The following GTF2A1L variants were observed in gnomAD, a reference collection of about 807,000 sequenced individuals.
GTF2A1L encodes general transcription factor IIA subunit 1 like, also known as TFIIA-alpha and beta-like factor.
A neutral mutation model predicts 49.7 loss-of-function variants in GTF2A1L; 48 were observed. The observed-to-expected ratio is 0.97, with a 90% CI of 0.77 to 1.23. GTF2A1L has a LOEUF of 1.23. Ranked by LOEUF, GTF2A1L falls within the 50% of genes most tolerant of loss-of-function variation. The probability of loss-of-function intolerance (pLI) is 0.00; values close to 1 mark genes in which losing one functional copy is unlikely to be tolerated. For missense variants in GTF2A1L, 736 were observed against 564.8 expected (o/e 1.30, Z -3.07); for synonymous variants, 246 against 193.5 (o/e 1.27, Z -2.25).
intron 6 of GTF2A1L, among the ~76,000 whole-genome samples, chr2:48,657,378 A>G (rs1678240848): frequency 6.6e-6 from 1 of 152,154 alleles, no homozygotes; most frequent in South Asian, 2.1e-4. Flanking sequence ...TTCCTGTGTT[A>G]ATTCACTTAG....
chr2:48,662,460 T>G (rs1046718988), intron 6 of GTF2A1L, among the ~76,000 whole-genome samples: 3 of 152,152 alleles, frequency 2.0e-5, no homozygotes, highest in Admixed American at 2.0e-4. Flanking sequence ...ATGAATTCCC[T>G]TGGTTTTTAT....
At chr2:48,633,953 C>G (rs1388744324) in intron 3 of GTF2A1L, among the ~76,000 whole-genome samples, 1 of 152,030 alleles carries the variant, frequency 6.6e-6, no homozygotes, top group East Asian at 1.9e-4. Flanking sequence ...GTGACCTCTG[C>G]TCTTTTTTTG....
chr2:48,652,516 G>C (rs898339397), intron 6 of GTF2A1L, among the ~76,000 whole-genome samples: 1 of 151,076 alleles, frequency 6.6e-6, no homozygotes, highest in African/African-American at 2.4e-5. Context: ...CTCGGGATCT[G>C]AGGCAAGAGA....
chr2:48,626,103 C>A (rs1175312415), intron 3 of GTF2A1L, among the ~76,000 whole-genome samples: 1 of 143,958 alleles, frequency 6.9e-6, no homozygotes, highest in Non-Finnish European at 1.6e-5. Context: ...ACTTCTTCCA[C>A]CAACAACCAT....
At chr2:48,654,420 A>G (rs1345644066) in intron 6 of GTF2A1L, among the ~76,000 whole-genome samples, 1 of 151,236 alleles carries the variant, frequency 6.6e-6, no homozygotes, top group East Asian at 1.9e-4. Flanking sequence ...TTTTTTGGAG[A>G]CAGAGTCTCG....
intron 3 of GTF2A1L, chr2:48,633,180 T>G (rs1676679781): frequency 9.0e-6 from 2 of 222,214 alleles, no homozygotes; most frequent in South Asian, 1.7e-4. Context: ...TTCGGTACCC[T>G]CACCCTCAGG....
In GTF2A1L at chr2:48,645,084, G is replaced by T. The variant is rs780588783; in HGVS notation, c.355G>T (p.Val119Leu). 2 of 1,612,702 alleles carry T rather than the reference G, an allele frequency of 1.2e-6. No homozygotes were observed. Among genetic ancestry groups the T allele is most frequent in the Middle Eastern group, 1.7e-4 (1 of 6,048 alleles). Reference protein sequence around the residue: ...NFTFPGYPIHVPAGVTLQTVS... With the variant: ...NFTFPGYPIHLPAGVTLQTVS... The stretch of plus-strand genomic sequence containing the variant: ...TACTTTTCCTGGTTATCCCATTCAT[G>T]TACCAGCAGGTGTGACACTACAGAC... The change falls in exon 5 of 9, where the codon GTA (valine) becomes TTA (leucine). Residue 119 changes from valine to leucine, a missense_variant. Coordinates refer to ENST00000403751, the MANE Select transcript of GTF2A1L (RefSeq NM_006872.5).
At chr2:48,668,268 T>A in intron 6 of GTF2A1L, among the ~76,000 whole-genome samples, 1 of 152,212 alleles carries the variant, frequency 6.6e-6, no homozygotes, top group Non-Finnish European at 1.5e-5. Flanking sequence ...TTAAAGCTAA[T>A]GTAACCTGTT....
chr2:48,627,350 CT>C lies in GTF2A1L; in HGVS notation c.247+6062del, dbSNP rs1208971966. On this transcript the variant is annotated intron_variant, in intron 3 of 8. Coordinates refer to ENST00000403751, the MANE Select transcript of GTF2A1L (RefSeq NM_006872.5). ...ATTTCATTAGGGTTTATTGGTATAC[CT>C]TGCACTTTGAATGGCTTTTTAACAC... Among the ~76,000 whole-genome samples, 7 of 143,830 alleles carry C rather than the reference CT, an allele frequency of 4.9e-5. 3 individuals are homozygous for C. Among genetic ancestry groups the C allele is most frequent in the Admixed American group, 1.4e-4 (2 of 14,208 alleles). 94.4% of individuals were successfully genotyped at this position (143,830 alleles called of 152,430 possible).
Position 48,679,420 on chromosome 2 carries a change from C to T in GTF2A1L, c.1415C>T (p.Ala472Val). 6.2e-7 allele frequency: 1 copy of T among 1,612,436 alleles called. No homozygotes were observed. The highest frequency in any genetic ancestry group is 8.5e-7 in the Non-Finnish European group (1 of 1,179,002). Reference protein sequence around the residue: ...FGGRDYVFAKAIGDAEW With the variant: ...FGGRDYVFAKVIGDAEW ...GGGAGAGACTATGTATTTGCAAAAGCCATTGGTGATGCAGAGTGGTAAACC... is the reference window on the plus strand; with the variant it reads ...GGGAGAGACTATGTATTTGCAAAAGTCATTGGTGATGCAGAGTGGTAAACC... Residue 472 changes from alanine (A) to valine (V), a missense_variant, in exon 9 of 9, where the codon GCC becomes GTC. Coordinates refer to ENST00000403751, the MANE Select transcript of GTF2A1L (RefSeq NM_006872.5).
intron 6 of GTF2A1L, among the ~76,000 whole-genome samples, chr2:48,663,428 C>G (rs1678633495): frequency 6.6e-6 from 1 of 151,868 alleles, no homozygotes; most frequent in African/African-American, 2.4e-5. Context: ...AGAGTGAGAC[C>G]CTATCTCAAT....
intron 6 of GTF2A1L, among the ~76,000 whole-genome samples, chr2:48,656,391 C>G (rs1238186753): frequency 7.2e-6 from 1 of 138,244 alleles, no homozygotes; most frequent in African/African-American, 2.7e-5. Context: ...AATTGCTACC[C>G]TAAGGGGTTT....
chr2:48,664,494 C>A (rs575871565), intron 6 of GTF2A1L, among the ~76,000 whole-genome samples: 42 of 151,884 alleles, frequency 2.8e-4, no homozygotes, highest in South Asian at 8.3e-4. Context: ...TGGATTTTTG[C>A]TTCTATGTTC....
chr2:48,654,497 C>G (rs1285422266), intron 6 of GTF2A1L, among the ~76,000 whole-genome samples: 1 of 151,994 alleles, frequency 6.6e-6, no homozygotes, highest in Non-Finnish European at 1.5e-5. Context: ...ATTCTCCTGT[C>G]TCAGTCTCCC....
chr2:48,642,500 C>G, intron 4 of GTF2A1L, 43 bp downstream of exon 4: 2 of 1,515,754 alleles, frequency 1.3e-6, no homozygotes, highest in Non-Finnish European at 1.8e-6. Context: ...ACATGTCCCA[C>G]TGTTAGCGAG....
intron 6 of GTF2A1L, among the ~76,000 whole-genome samples, chr2:48,655,267 A>G (rs1002203686): frequency 6.6e-6 from 1 of 152,138 alleles, no homozygotes; most frequent in Non-Finnish European, 1.5e-5. Context: ...AATGGTACCT[A>G]AAACTGCCAT....
rs115797338 is a variant in GTF2A1L at position 48,632,135 on chromosome 2, G to A, written c.248-10267G>A. Among the ~76,000 whole-genome samples, 1,125 of 152,208 alleles carry A rather than the reference G, an allele frequency of 7.4e-3. 12 individuals are homozygous for A. The highest frequency in any genetic ancestry group is 0.026 in the African/African-American group (1,076 of 41,532). On this transcript the variant is annotated intron_variant, in intron 3 of 8. Transcript: ENST00000403751. ...ACTTCAGATGTTGGTACTGCTGTGA[G>A]CGTGGTCTCTTCCTTTACTCAACTG...
At chr2:48,673,642 G>A (rs1335634356) in intron 8 of GTF2A1L, among the ~76,000 whole-genome samples, 1 of 152,136 alleles carries the variant, frequency 6.6e-6, no homozygotes, top group Non-Finnish European at 1.5e-5. Flanking sequence ...GTGAGCCACT[G>A]CACCCAGCCG....
chr2:48,636,968 A>T (rs1447005488), intron 3 of GTF2A1L, among the ~76,000 whole-genome samples: 1 of 152,180 alleles, frequency 6.6e-6, no homozygotes, highest in African/African-American at 2.4e-5. Context: ...GAACAGGGAC[A>T]CTGAGAGGTT....
Sources: gnomAD v4.1 joint callset for allele counts (sites outside exome capture counted in the v4.1 genomes callset) on GRCh38, gnomAD v4.1.1 for gene constraint, MANE v1.5 for transcripts, NCBI Gene and HGNC (gene_info 2026-07-23, HGNC 2026-07-21) for gene names.